Variants in SYNJ1 observed in about 807,000 individuals in gnomAD.
SYNJ1 encodes the protein polyphosphatidylinositol phosphatase SYNJ1.
In SYNJ1, 78 loss-of-function variants were observed where a neutral mutation model predicts 168.2. The observed-to-expected ratio is 0.46, with a 90% CI of 0.39 to 0.56. The LOEUF (loss-of-function observed/expected upper bound fraction) is 0.56, where lower values mean the gene tolerates loss of function less well. Among genes scored for constraint, SYNJ1 ranks in the 20% least tolerant of loss-of-function variants. SYNJ1 has a pLI of 0.00. For missense variants in SYNJ1, 1,303 were observed against 1,597.6 expected, an observed-to-expected ratio of 0.82 and a Z score of 3.14; for synonymous variants, 539 against 548.6, an observed-to-expected ratio of 0.98 and a Z score of 0.24.
intron 18 of SYNJ1, among the ~76,000 whole-genome samples, chr21:32,661,528 C>T (rs1000516117): frequency 5.3e-5 from 8 of 152,070 alleles, no homozygotes; most frequent in South Asian, 2.1e-4. Context: ...ACTGCCCTTA[C>T]GAATTGGCTC....
chr21:32,666,172 T>G (rs1274469458), intron 16 of SYNJ1, 37 bp from the exon 17 acceptor site: 1 of 1,568,436 alleles, frequency 6.4e-7, no homozygotes, highest in Non-Finnish European at 8.6e-7. Context: ...AGATTTGAAA[T>G]TTCAAGAGTT....
chr21:32,653,960 T>A (rs1036074585), intron 21 of SYNJ1: 5 of 151,982 alleles, frequency 3.3e-5, no homozygotes, highest in Admixed American at 3.3e-4. Context: ...TCCAAGTTTT[T>A]ACTTTTGAAA....
At chr21:32,665,334 A>G (rs1351885062) in intron 17 of SYNJ1, among the ~76,000 whole-genome samples, 1 of 152,218 alleles carries the variant, frequency 6.6e-6, no homozygotes, top group Non-Finnish European at 1.5e-5. Context: ...AAGAAGCTAC[A>G]TAACTCCCTC....
intron 12 of SYNJ1, among the ~76,000 whole-genome samples, chr21:32,676,928 A>C (rs1289847453): frequency 6.6e-6 from 1 of 152,202 alleles, no homozygotes; most frequent in Non-Finnish European, 1.5e-5. Context: ...CACATCAAAA[A>C]AGATGGGAAC....
chr21:32,720,200 T>C (rs1462164340), intron 2 of SYNJ1, among the ~76,000 whole-genome samples: 3 of 152,044 alleles, frequency 2.0e-5, no homozygotes, highest in African/African-American at 4.8e-5. Context: ...GATCGCACCA[T>C]TGCACTCCAG....
intron 13 of SYNJ1, among the ~76,000 whole-genome samples, chr21:32,674,833 C>T (rs1163333164): frequency 6.6e-6 from 1 of 151,986 alleles, no homozygotes; most frequent in Non-Finnish European, 1.5e-5. Flanking sequence ...CTTATGATAC[C>T]AAGATATAGC....
intron 12 of SYNJ1, among the ~76,000 whole-genome samples, chr21:32,677,114 G>C (rs1415732524): frequency 6.6e-6 from 1 of 152,184 alleles, no homozygotes; most frequent in Non-Finnish European, 1.5e-5. Context: ...TCAATGAAAA[G>C]TTGAAAGAAC....
At chr21:32,714,258 G>T (rs1440357214) in intron 2 of SYNJ1, among the ~76,000 whole-genome samples, 1 of 152,148 alleles carries the variant, frequency 6.6e-6, no homozygotes, top group Non-Finnish European at 1.5e-5. Flanking sequence ...GGTTGAAGAG[G>T]GAAGCAGAAA....
chr21:32,722,458 G>C (rs534439568), intron 2 of SYNJ1, among the ~76,000 whole-genome samples: 2 of 151,918 alleles, frequency 1.3e-5, no homozygotes, highest in Admixed American at 1.3e-4. Flanking sequence ...GCTGAGGCAC[G>C]AGAATCACTT....
chr21:32,691,170 A>T (rs1024439724), intron 6 of SYNJ1, among the ~76,000 whole-genome samples: 38 of 152,160 alleles, frequency 2.5e-4, no homozygotes, highest in African/African-American at 8.4e-4. Context: ...GTGGGAGGTG[A>T]CTGAATCATG....
intron 6 of SYNJ1, among the ~76,000 whole-genome samples, chr21:32,691,253 A>G (rs2042016432): frequency 1.3e-5 from 2 of 152,150 alleles, no homozygotes; most frequent in East Asian, 3.9e-4. Context: ...GTGAGTTCTC[A>G]TGAGATCTGG....
chr21:32,694,112 A>G (rs1384624328), intron 6 of SYNJ1, 116 bp downstream of exon 6: 3 of 661,030 alleles, frequency 4.5e-6, no homozygotes, highest in Non-Finnish European at 6.9e-6. Flanking sequence ...AATCCAGCTA[A>G]CATTATTAGA....
chr21:32,669,356 T>C (rs2041087685), intron 15 of SYNJ1, among the ~76,000 whole-genome samples: 1 of 152,200 alleles, frequency 6.6e-6, no homozygotes, highest in Admixed American at 6.5e-5. Context: ...AGGCAAAAAT[T>C]AGTATTCTGG....
intron 10 of SYNJ1, among the ~76,000 whole-genome samples, chr21:32,683,340 GAA>G (rs950455865): frequency 7.7e-6 from 1 of 129,902 alleles, no homozygotes. Flanking sequence ...AAGTAGTAAA[GAA>G]AAAAAAAAAA....
Position 32,678,733 on chromosome 21 carries a change from C to T in SYNJ1, c.1422G>A (p.Glu474=), listed in dbSNP as rs1364789684. 3.1e-6 allele frequency: 5 copies of T among 1,613,508 alleles called. No individual in the cohort carries two copies. The highest frequency in any genetic ancestry group is 3.3e-5 in the Admixed American group (2 of 59,904). Residue 474 remains glutamate (E), a synonymous_variant, in exon 12 of 33, where the codon GAG becomes GAA. Coordinates refer to ENST00000674351, the MANE Select transcript of SYNJ1 (RefSeq NM_203446.3). Reference sequence around the variant, plus strand: ...TTCCCAGTAGCAAAACATCAATGGCCTCTTGCTTGGAGCTGTCAAAGAAGT... The same window carrying T: ...TTCCCAGTAGCAAAACATCAATGGCTTCTTGCTTGGAGCTGTCAAAGAAGT... The part of the protein sequence containing the change: ...QNNFFDSSKQ[E]AIDVLLLGNT...
intron 23 of SYNJ1, among the ~76,000 whole-genome samples, chr21:32,649,882 TG>T (rs2040211665): frequency 6.6e-6 from 1 of 152,114 alleles, no homozygotes; most frequent in South Asian, 2.1e-4. Context: ...CCTGAGTAGC[TG>T]GGATTACAGG....
At chr21:32,677,065 G>A (rs968967729) in intron 12 of SYNJ1, among the ~76,000 whole-genome samples, 4 of 152,200 alleles carry the variant, frequency 2.6e-5, no homozygotes, top group African/African-American at 9.6e-5. Context: ...GCAGAGTGCA[G>A]CTTGTAATAT....
At chr21:32,660,146 G>T (rs371516878) in intron 18 of SYNJ1, among the ~76,000 whole-genome samples, 1 of 152,198 alleles carries the variant, frequency 6.6e-6, no homozygotes, top group Non-Finnish European at 1.5e-5. Flanking sequence ...CAGACTGTGC[G>T]GCTCTGGCCA....
intron 32 of SYNJ1, among the ~76,000 whole-genome samples, chr21:32,632,382 C>G (rs1171833133): frequency 6.6e-6 from 1 of 151,756 alleles, no homozygotes; most frequent in Non-Finnish European, 1.5e-5. Context: ...TCTTTGCCCA[C>G]CCCCTCTTTT....
Sources: allele counts gnomAD v4.1 joint callset (sites outside exome capture counted in the v4.1 genomes callset), GRCh38; gene constraint gnomAD v4.1.1; transcripts MANE v1.5; gene names NCBI Gene and HGNC (gene_info 2026-07-23, HGNC 2026-07-21).